The following FAF1 variants were observed in gnomAD, a reference collection of about 807,000 sequenced individuals.
FAF1 encodes FAS-associated factor 1.
A neutral mutation model predicts 92.5 loss-of-function variants in FAF1; 25 were observed. The observed-to-expected ratio is 0.27, with a 90% CI of 0.20 to 0.38. The LOEUF is 0.38. Among genes scored for constraint, FAF1 ranks in the 10% least tolerant of loss-of-function variants. The pLI is 1.00. For synonymous variants in FAF1, 234 were observed against 273.2 expected (o/e 0.86, Z 1.42); for missense variants, 636 against 793.3 (o/e 0.80, Z 2.38).
chr1:50,886,275 G>C (rs1644663043), intron 1 of FAF1, among the ~76,000 whole-genome samples: 1 of 152,148 alleles, frequency 6.6e-6, no homozygotes, highest in Non-Finnish European at 1.5e-5. Context: ...GTCTGGTGTT[G>C]ATGAAATCCC....
chr1:50,538,910 A>G (rs547814460), intron 14 of FAF1, among the ~76,000 whole-genome samples: 33 of 152,334 alleles, frequency 2.2e-4, no homozygotes, highest in African/African-American at 7.2e-4. Flanking sequence ...TTAGTATACC[A>G]GATATAGTTT....
intron 2 of FAF1, among the ~76,000 whole-genome samples, chr1:50,805,201 G>T (rs561224051): frequency 1.3e-3 from 205 of 152,228 alleles, no homozygotes; most frequent in Non-Finnish European, 2.4e-3. Flanking sequence ...TTATCATACT[G>T]TAATGTATTT....
chr1:50,443,414 A>G (rs549193110), intron 18 of FAF1, among the ~76,000 whole-genome samples: 7 of 152,182 alleles, frequency 4.6e-5, no homozygotes, highest in Non-Finnish European at 1.0e-4. Context: ...AGGAAACTAA[A>G]ATTTCTTGAA....
chr1:50,738,379 G>T (rs771787548), intron 6 of FAF1, among the ~76,000 whole-genome samples: 1 of 147,660 alleles, frequency 6.8e-6, no homozygotes, highest in Non-Finnish European at 1.5e-5. Flanking sequence ...GGAGGCAGAG[G>T]TTGCGGTGAG....
At chr1:50,746,119 A>G (rs930079764) in intron 4 of FAF1, among the ~76,000 whole-genome samples, 4 of 151,322 alleles carry the variant, frequency 2.6e-5, no homozygotes. Context: ...GGAACTTTGA[A>G]GTTGAGAATG....
At chr1:50,847,748 A>G (rs1342710436) in intron 2 of FAF1, among the ~76,000 whole-genome samples, 1 of 152,176 alleles carries the variant, frequency 6.6e-6, no homozygotes, top group African/African-American at 2.4e-5. Flanking sequence ...CCTGAATTGT[A>G]TGTTTTAAAA....
chr1:50,913,350 CAA>C (rs1380644722), intron 1 of FAF1, among the ~76,000 whole-genome samples: 2 of 152,164 alleles, frequency 1.3e-5, no homozygotes, highest in Admixed American at 1.3e-4. Flanking sequence ...ATCATCCGTA[CAA>C]GAGAAGGTAC....
intron 8 of FAF1, among the ~76,000 whole-genome samples, chr1:50,624,348 C>T (rs1230088480): frequency 1.3e-5 from 2 of 152,148 alleles, no homozygotes; most frequent in Non-Finnish European, 1.5e-5. Flanking sequence ...TAGGGTTTCA[C>T]TGTGCTGGCC....
intron 4 of FAF1, among the ~76,000 whole-genome samples, chr1:50,746,272 ATATATATATATATATATATATTTTT>A (rs1352985369): frequency 2.7e-4 from 5 of 18,694 alleles, no homozygotes; most frequent in Admixed American, 7.2e-4. Context: ...ATATATATAT[ATATATATATATATATATATATTTTT>A]TTTTTTTTTT....
At chr1:50,700,630 G>T (rs12063007) in intron 7 of FAF1, among the ~76,000 whole-genome samples, 18,254 of 152,050 alleles carry the variant, frequency 0.12, 1,360 homozygotes, top group African/African-American at 0.21. Flanking sequence ...TAACTGAACG[G>T]AATTTCTCTT....
At chr1:50,584,321 T>C (rs1651124489) in intron 10 of FAF1, among the ~76,000 whole-genome samples, 1 of 152,120 alleles carries the variant, frequency 6.6e-6, no homozygotes, top group Non-Finnish European at 1.5e-5. Context: ...AGTAACATTA[T>C]TACTCTTAAA....
chr1:50,689,502 T>TG lies in FAF1; in HGVS notation c.657+16283dup, dbSNP rs1386102517. 5.3e-5 allele frequency among the ~76,000 whole-genome samples: 8 copies of TG among 152,238 alleles called. 1 individual carries two copies. The East Asian group carries it at 1.5e-3, about 29-fold the overall frequency. On this transcript the variant is annotated intron_variant, in intron 7 of 18. Transcript: ENST00000396153. ...AGGAGGCTGAAGCAAGAGAATGCCG[T>TG]GGACCCGGGAGGCAGAGGTTGCAGT... is the stretch of plus-strand genomic sequence containing the variant.
intron 1 of FAF1, among the ~76,000 whole-genome samples, chr1:50,918,878 T>C (rs201829971): frequency 6.0e-5 from 9 of 150,410 alleles, no homozygotes; most frequent in Non-Finnish European, 1.2e-4. Context: ...TTTTAATGAT[T>C]GCCATTCTAA....
At chr1:50,604,771 C>T (rs554685976) in intron 8 of FAF1, among the ~76,000 whole-genome samples, 1 of 152,144 alleles carries the variant, frequency 6.6e-6, no homozygotes, top group Non-Finnish European at 1.5e-5. Context: ...CTGGGCTCCC[C>T]CTTTTGGCCT....
intron 1 of FAF1, among the ~76,000 whole-genome samples, chr1:50,881,790 T>A (rs537726501): frequency 6.6e-6 from 1 of 152,214 alleles, no homozygotes; most frequent in Non-Finnish European, 1.5e-5. Context: ...AGGATTATAT[T>A]AAATGCCTAT....
chr1:50,889,233 C>T (rs1202444519), intron 1 of FAF1, among the ~76,000 whole-genome samples: 2 of 152,106 alleles, frequency 1.3e-5, no homozygotes, highest in Admixed American at 6.6e-5. Flanking sequence ...TTTTTTATTG[C>T]ATCTATTTGA....
At chr1:50,554,867 T>C (rs1370783667) in intron 13 of FAF1, among the ~76,000 whole-genome samples, 1 of 152,178 alleles carries the variant, frequency 6.6e-6, no homozygotes, top group Admixed American at 6.5e-5. Context: ...ATACTACTTG[T>C]CTAATATCAT....
intron 9 of FAF1, among the ~76,000 whole-genome samples, chr1:50,587,617 T>C (rs542700916): frequency 2.0e-5 from 3 of 152,352 alleles, no homozygotes; most frequent in East Asian, 1.9e-4. Context: ...ATTCATAATT[T>C]TAAAAACAGC....
At chr1:50,578,343 G>A (rs1231264768) in intron 12 of FAF1, among the ~76,000 whole-genome samples, 3 of 152,150 alleles carry the variant, frequency 2.0e-5, no homozygotes, top group Non-Finnish European at 4.4e-5. Flanking sequence ...CGTCATATTT[G>A]CCTTAAAATG....
Sources: gnomAD v4.1 joint callset for allele counts (sites outside exome capture counted in the v4.1 genomes callset) on GRCh38, gnomAD v4.1.1 for gene constraint, MANE v1.5 for transcripts, NCBI Gene and HGNC (gene_info 2026-07-23, HGNC 2026-07-21) for gene names.